Variants in JADE2 observed in about 807,000 individuals in gnomAD.
JADE2 encodes the protein E3 ubiquitin-protein ligase Jade-2.
A neutral mutation model predicts 85.7 loss-of-function variants in JADE2; 13 were observed. That is an observed-to-expected ratio of 0.15 (90% confidence interval 0.10 to 0.24). The LOEUF (loss-of-function observed/expected upper bound fraction) is 0.24, where lower values mean the gene tolerates loss of function less well. JADE2 is among the 10% of genes least tolerant of loss of function. The pLI is 1.00. For synonymous variants in JADE2, 440 were observed against 456.1 expected (o/e 0.96, Z 0.45); for missense variants, 846 against 1,115.9 (o/e 0.76, Z 3.45).
Position 134,530,406 on chromosome 5 carries a change from A to G in JADE2, c.-1+4395A>G, listed in dbSNP as rs140534829. Among the ~76,000 whole-genome samples, 420 of 152,238 alleles carry G rather than the reference A, an allele frequency of 2.8e-3. 3 individuals are homozygous for G. Among genetic ancestry groups the G allele is most frequent in the African/African-American group, 9.9e-3 (410 of 41,526 alleles). On this transcript the variant is annotated intron_variant, in intron 1 of 11. Coordinates refer to ENST00000681547, the MANE Select transcript of JADE2 (RefSeq NM_001388185.1). ...TTTTCCCCTTTTTTTAAAGAAGAGG[A>G]CGAAATCCTGCTGTGTGGTGGCAGG... is the stretch of plus-strand genomic sequence containing the variant.
chr5:134,531,450 A>C (rs957673261), intron 1 of JADE2, among the ~76,000 whole-genome samples: 1 of 151,884 alleles, frequency 6.6e-6, no homozygotes, highest in Admixed American at 6.6e-5. Flanking sequence ...ATTTTGTTCT[A>C]ATTTTTTTTA....
chr5:134,556,417 CACACACACATCACACA>C (rs1469439874), intron 4 of JADE2, among the ~76,000 whole-genome samples: 3 of 152,108 alleles, frequency 2.0e-5, no homozygotes, highest in African/African-American at 4.8e-5. Flanking sequence ...TCTCAACACA[CACACACACATCACACA>C]ACACACACAC....
At chr5:134,526,101 CCTCGCTCT>C in intron 1 of JADE2, 90 bp downstream of exon 1, 4 of 984,786 alleles carry the variant, frequency 4.1e-6, no homozygotes, top group Non-Finnish European at 4.8e-6. Context: ...CTCTTCGCTC[CCTCGCTCT>C]CTCTTGCTCG....
intron 3 of JADE2, among the ~76,000 whole-genome samples, chr5:134,539,941 C>T (rs1761869216): frequency 6.6e-6 from 1 of 152,162 alleles, no homozygotes; most frequent in African/African-American, 2.4e-5. Flanking sequence ...ACCTGATGCC[C>T]CATCCCCCAA....
At chr5:134,527,182 C>A (rs1436169089) in intron 1 of JADE2, among the ~76,000 whole-genome samples, 1 of 145,564 alleles carries the variant, frequency 6.9e-6, no homozygotes, top group Admixed American at 7.0e-5. Flanking sequence ...CCGGCAGTGG[C>A]ATCTTCCCGG....
intron 1 of JADE2, among the ~76,000 whole-genome samples, chr5:134,528,008 T>A (rs983511537): frequency 6.6e-6 from 1 of 151,624 alleles, no homozygotes; most frequent in Admixed American, 6.6e-5. Context: ...CATCGAGAGG[T>A]GTCATGTTTC....
chr5:134,559,081 G>A (rs1214103784), intron 4 of JADE2, among the ~76,000 whole-genome samples: 1 of 152,196 alleles, frequency 6.6e-6, no homozygotes, highest in Non-Finnish European at 1.5e-5. Context: ...CTCTGTCTTG[G>A]TCCTGGGGCC....
At chr5:134,540,605 T>C (rs905476490) in intron 3 of JADE2, among the ~76,000 whole-genome samples, 4 of 152,140 alleles carry the variant, frequency 2.6e-5, no homozygotes, top group African/African-American at 9.7e-5. Flanking sequence ...TAGCTACCTT[T>C]ATGTGCCTTC....
At chr5:134,574,010 A>T (rs1764211860) in intron 10 of JADE2, 1 of 583,490 alleles carries the variant, frequency 1.7e-6, no homozygotes, top group Non-Finnish European at 3.1e-6. Context: ...GCCCTCAGGG[A>T]GCTTTCTGGT....
chr5:134,574,925 T>G (rs571271798), intron 10 of JADE2: 2 of 152,406 alleles, frequency 1.3e-5, no homozygotes, highest in East Asian at 3.9e-4. Flanking sequence ...CAGGGATGTC[T>G]TCCCAGAAGC....
In JADE2 at chr5:134,581,676, GGCTGTT is replaced by G. The variant is rs2150039840; in HGVS notation, c.*2363_*2368del. On this transcript the variant is annotated 3_prime_UTR_variant, in exon 12 of 12. Transcript: ENST00000681547. ...CTCTGGATTCTGGCCCTTCTTCATT[GGCTGTT>G]GCTTTGGACTGGACTGTTGCTGAGC... 1 of 152,968 alleles carries G rather than the reference GGCTGTT, an allele frequency of 6.5e-6. No individual in the cohort carries two copies. The highest frequency in any genetic ancestry group is 1.9e-4 in the East Asian group (1 of 5,218). The allele number at this position is 152,968 out of a possible 1,614,324, so 9.5% of individuals were successfully genotyped here.
At position 134,560,919 on chromosome 5, in the gene JADE2, A is replaced by T; in HGVS notation, c.646A>T (p.Met216Leu). 6.2e-7 allele frequency: 1 copy of T among 1,614,072 alleles called. No homozygotes were observed. Among genetic ancestry groups the T allele is most frequent in the Non-Finnish European group, 8.5e-7 (1 of 1,179,972 alleles). ...TCCTGAGGGCGAGGATGGCAACGAGATGGTCTTCTGTGACAAGTGCAACGT... is the reference window on the plus strand; with the variant it reads ...TCCTGAGGGCGAGGATGGCAACGAGTTGGTCTTCTGTGACAAGTGCAACGT... ...RSPEGEDGNEMVFCDKCNVCV... is the reference protein window; with the variant it reads ...RSPEGEDGNELVFCDKCNVCV... Residue 216 changes from methionine (M) to leucine (L), a missense_variant, in exon 6 of 12, where the codon ATG becomes TTG. By Grantham distance (15) the Met-to-Leu change is conservative. Coordinates refer to ENST00000681547, the MANE Select transcript of JADE2 (RefSeq NM_001388185.1).
intron 8 of JADE2, 94 bp downstream of exon 8, chr5:134,564,704 T>C (rs1391243929): frequency 2.6e-6 from 2 of 764,608 alleles, no homozygotes; most frequent in Non-Finnish European, 4.2e-6. Flanking sequence ...CTCCCCTCCA[T>C]GGGGCTGCAG....
In JADE2 at chr5:134,559,974, G is replaced by A. The variant is rs199670348; in HGVS notation, c.456G>A (p.Ser152=). 1.5e-4 allele frequency: 249 copies of A among 1,614,084 alleles called. No homozygotes were observed. Among genetic ancestry groups the A allele is most frequent in the Admixed American group, 3.2e-4 (19 of 59,992 alleles). The change falls in exon 5 of 12, where the codon TCG becomes TCA. Residue 152 remains serine, a synonymous_variant. Transcript: ENST00000681547. The part of the protein sequence containing the change: ...IDAYWLELIN[S]ELKEMERPEL... ...CCTACTGGCTGGAGCTCATCAACTC[G>A]GAGCTTAAGGAGATGGGTAGGTGAC...
chr5:134,568,405 A>C (rs2149998638), intron 9 of JADE2, among the ~76,000 whole-genome samples: 1 of 152,242 alleles, frequency 6.6e-6, no homozygotes. Flanking sequence ...TCAGTCCCCT[A>C]ATCTTCCCAC....
intron 1 of JADE2, among the ~76,000 whole-genome samples, chr5:134,534,190 C>G (rs1042883313): frequency 2.6e-5 from 4 of 152,188 alleles, no homozygotes; most frequent in African/African-American, 9.6e-5. Context: ...CACTTAACCT[C>G]TGAGCTTCAG....
intron 8 of JADE2, among the ~76,000 whole-genome samples, chr5:134,565,197 G>T (rs1481480731): frequency 6.6e-6 from 1 of 152,236 alleles, no homozygotes; most frequent in African/African-American, 2.4e-5. Context: ...TAGTTTGGGA[G>T]TGCAGGGGGG....
At chr5:134,526,163 A>C (rs772480690) in intron 1 of JADE2, 152 bp downstream of exon 1, 1 of 984,234 alleles carries the variant, frequency 1.0e-6, no homozygotes, top group Non-Finnish European at 1.2e-6. Context: ...CTAGGAAGCC[A>C]GCGCGGAGAG....
At chr5:134,560,616 A>T in intron 5 of JADE2, 130 bp from the exon 6 acceptor site, 1 of 736,092 alleles carries the variant, frequency 1.4e-6, no homozygotes, top group Non-Finnish European at 2.2e-6. Context: ...TCCCAGGTCC[A>T]ACAGTGGGTG....
Sources: allele counts gnomAD v4.1 joint callset (sites outside exome capture counted in the v4.1 genomes callset), GRCh38; gene constraint gnomAD v4.1.1; transcripts MANE v1.5; gene names NCBI Gene and HGNC (gene_info 2026-07-23, HGNC 2026-07-21).